APOO: variants seen among roughly 807,000 people sequenced by gnomAD.
APOO encodes the protein apolipoprotein O.
APOO carries 11 observed loss-of-function variants against 23.1 expected under a neutral mutation model. The observed-to-expected ratio is 0.48, with a 90% confidence interval of 0.30 to 0.79. APOO has a LOEUF of 0.79. Among genes scored for constraint, APOO ranks in the 30% least tolerant of loss-of-function variants. The pLI is 0.07. For missense variants in APOO, 160 were observed against 142.7 expected (o/e 1.12, Z -0.62); for synonymous variants, 59 against 54.8 (o/e 1.08, Z -0.34).
At chrX:23,844,700 G>A (rs1180321651) in intron 7 of APOO, among the ~76,000 whole-genome samples, 5 of 111,918 alleles carry the variant, frequency 4.5e-5, no homozygotes, top group South Asian at 3.7e-4. Context: ...CTGACACCTT[G>A]ATTTAGAATT....
intron 3 of APOO, among the ~76,000 whole-genome samples, chrX:23,876,303 T>C (rs1925849947): frequency 9.3e-6 from 1 of 106,982 alleles, no homozygotes; most frequent in African/African-American, 3.4e-5. Flanking sequence ...AAAATATTAG[T>C]TGGGCATGGT....
At chrX:23,894,347 G>A (rs1307933844) in intron 1 of APOO, among the ~76,000 whole-genome samples, 1 of 109,746 alleles carries the variant, frequency 9.1e-6, no homozygotes, top group African/African-American at 3.3e-5. Context: ...GTTTTGCCAC[G>A]TTGGCCAGGC....
intron 3 of APOO, among the ~76,000 whole-genome samples, chrX:23,877,947 C>T (rs1167620232): frequency 9.0e-6 from 1 of 111,654 alleles, no homozygotes; most frequent in Non-Finnish European, 1.9e-5. Flanking sequence ...AGATTGTAAA[C>T]GTTGGTTACT....
chrX:23,876,869 G>A (rs1464059855), intron 3 of APOO, among the ~76,000 whole-genome samples: 1 of 112,182 alleles, frequency 8.9e-6, no homozygotes, highest in Non-Finnish European at 1.9e-5. Flanking sequence ...GAAATTGCTG[G>A]TCTGAAAAAG....
intron 1 of APOO, among the ~76,000 whole-genome samples, chrX:23,891,455 G>C (rs750793125): frequency 9.0e-6 from 1 of 111,648 alleles, no homozygotes. Context: ...TCAAACTCCT[G>C]GGCTCAAGGG....
In APOO at chrX:23,858,949, T is replaced by TA. The variant is rs1924898814; in HGVS notation, c.389-217dup. On this transcript the variant is annotated intron_variant, in intron 5 of 8. Transcript: ENST00000379226. ...GATCCTGTCTCTACAAAGATTAAAATAAAAAAATTAGCCAGGCGTGGTAGT... is the reference window on the plus strand; with the variant it reads ...GATCCTGTCTCTACAAAGATTAAAATAAAAAAAATTAGCCAGGCGTGGTAGT... Among the ~76,000 whole-genome samples, 3 of 111,001 alleles carry TA rather than the reference T, an allele frequency of 2.7e-5. No homozygotes were observed. The South Asian group carries it at 1.1e-3, about 42-fold the overall frequency.
chrX:23,894,198 G>T (rs765316243), intron 1 of APOO, among the ~76,000 whole-genome samples: 1 of 110,027 alleles, frequency 9.1e-6, no homozygotes, highest in East Asian at 2.9e-4. Flanking sequence ...AGGCTGGAGT[G>T]CAGTGGTGTG....
intron 8 of APOO, chrX:23,836,698 T>G (rs1414114796): frequency 6.7e-6 from 3 of 449,190 alleles, no homozygotes; most frequent in Non-Finnish European, 1.1e-5. Context: ...AGGTCTTAAG[T>G]GTCATCTGGC....
At chrX:23,875,995 G>A (rs1372682535) in intron 3 of APOO, among the ~76,000 whole-genome samples, 1 of 109,864 alleles carries the variant, frequency 9.1e-6, no homozygotes, top group African/African-American at 3.3e-5. Flanking sequence ...TGGGCACGGT[G>A]GCTCACGGCT....
intron 1 of APOO, among the ~76,000 whole-genome samples, chrX:23,903,006 T>G (rs1927194451): frequency 8.9e-6 from 1 of 111,924 alleles, no homozygotes; most frequent in Non-Finnish European, 1.9e-5. Context: ...ACAAGAACCA[T>G]TCATCTACCG....
At chrX:23,887,229 CTTTTTTTTTT>C (rs765596270) in intron 1 of APOO, among the ~76,000 whole-genome samples, 56 of 54,235 alleles carry the variant, frequency 1.0e-3, no homozygotes, top group East Asian at 7.0e-3. Flanking sequence ...TTCTTTTTCC[CTTTTTTTTTT>C]TTTTTTTTTT....
intron 7 of APOO, among the ~76,000 whole-genome samples, chrX:23,847,721 C>T (rs1924314085): frequency 9.2e-6 from 1 of 108,202 alleles, no homozygotes; most frequent in African/African-American, 3.3e-5. Context: ...CAGCCTCAAA[C>T]TCCTAGACTC....
At chrX:23,877,293 A>T (rs1275219766) in intron 3 of APOO, among the ~76,000 whole-genome samples, 1 of 112,157 alleles carries the variant, frequency 8.9e-6, no homozygotes, top group Admixed American at 9.5e-5. Flanking sequence ...ATTTTACAAC[A>T]TGTTATGTTT....
intron 5 of APOO, among the ~76,000 whole-genome samples, chrX:23,861,926 C>A (rs186738547): frequency 9.2e-6 from 1 of 108,263 alleles, no homozygotes; most frequent in East Asian, 2.9e-4. Context: ...GCCTCAGCCT[C>A]CTGAGTAGCT....
At chrX:23,905,170 C>G (rs144471186) in intron 1 of APOO, among the ~76,000 whole-genome samples, 12,377 of 108,738 alleles carry the variant, frequency 0.11, 858 homozygotes, top group South Asian at 0.51. Context: ...GGGCGAATCA[C>G]GAGGTCAGGA....
chrX:23,855,040 C>CTT (rs768905855), intron 7 of APOO, among the ~76,000 whole-genome samples: 2 of 92,086 alleles, frequency 2.2e-5, no homozygotes, highest in African/African-American at 3.9e-5. Flanking sequence ...TTCTTTTTTT[C>CTT]TTTTTTTTTT....
At chrX:23,857,067 C>G (rs1376967213) in intron 6 of APOO, among the ~76,000 whole-genome samples, 1 of 110,509 alleles carries the variant, frequency 9.0e-6, no homozygotes, top group Non-Finnish European at 1.9e-5. Context: ...AAGAAGGGAA[C>G]AGAGACCGAG....
chrX:23,891,816 A>G (rs2428144), intron 1 of APOO, among the ~76,000 whole-genome samples: 53,884 of 108,217 alleles, frequency 0.5, 12,577 homozygotes, highest in Non-Finnish European at 0.71. Flanking sequence ...AAGTTTATAT[A>G]TATGTATATA....
At chrX:23,872,027 C>T (rs1451058596) in intron 4 of APOO, among the ~76,000 whole-genome samples, 3 of 111,526 alleles carry the variant, frequency 2.7e-5, no homozygotes, top group Non-Finnish European at 5.6e-5. Flanking sequence ...ATCCTCTAGT[C>T]TGGGTCATTT....
Sources: allele counts gnomAD v4.1 joint callset (sites outside exome capture counted in the v4.1 genomes callset), GRCh38; gene constraint gnomAD v4.1.1; transcripts MANE v1.5; gene names NCBI Gene and HGNC (gene_info 2026-07-23, HGNC 2026-07-21).